ISCA1: variants seen among roughly 807,000 people sequenced by gnomAD.
ISCA1 encodes the protein iron-sulfur cluster assembly 1, also known as iron-sulfur cluster assembly 1 homolog, mitochondrial.
In ISCA1, 9 loss-of-function variants were observed where a neutral mutation model predicts 14.7. That is an observed-to-expected ratio of 0.61 (90% CI 0.37 to 1.07). ISCA1 has a LOEUF of 1.07. ISCA1 is among the 50% of genes least tolerant of loss of function. The pLI, the probability that ISCA1 is intolerant of heterozygous loss-of-function variation, is 0.01. For synonymous variants in ISCA1, 38 were observed against 54.3 expected (o/e 0.70, Z 1.32); for missense variants, 102 against 150.1 (o/e 0.68, Z 1.67).
At chr9:86,280,804 G>A (rs1825503068) in intron 1 of ISCA1, among the ~76,000 whole-genome samples, 1 of 151,810 alleles carries the variant, frequency 6.6e-6, no homozygotes, top group Non-Finnish European at 1.5e-5. Context: ...GGTGCACACC[G>A]GTGGTCCCAG....
At chr9:86,267,304 T>C (rs1825303006) in intron 3 of ISCA1, 1 of 815,466 alleles carries the variant, frequency 1.2e-6, no homozygotes, top group African/African-American at 1.9e-5. Context: ...ATATAAACAA[T>C]ATATAATTAA....
intron 1 of ISCA1, among the ~76,000 whole-genome samples, chr9:86,277,030 C>A (rs1306301443): frequency 6.6e-6 from 1 of 152,148 alleles, no homozygotes; most frequent in African/African-American, 2.4e-5. Flanking sequence ...TCACACTACT[C>A]CGTTTACCAG....
At chr9:86,279,026 T>G (rs1241033837) in intron 1 of ISCA1, among the ~76,000 whole-genome samples, 5 of 152,234 alleles carry the variant, frequency 3.3e-5, no homozygotes, top group African/African-American at 4.8e-5. Flanking sequence ...TTCCAGTGCT[T>G]CTTGTGTAGT....
At chr9:86,281,357 C>T (rs1434787377) in intron 1 of ISCA1, among the ~76,000 whole-genome samples, 1 of 152,154 alleles carries the variant, frequency 6.6e-6, no homozygotes, top group Non-Finnish European at 1.5e-5. Flanking sequence ...TGGTAATAGG[C>T]CCTTTTGGCA....
At chr9:86,271,052 C>G (rs1196770756) in intron 3 of ISCA1, among the ~76,000 whole-genome samples, 1 of 151,442 alleles carries the variant, frequency 6.6e-6, no homozygotes. Context: ...TGTAACTAAG[C>G]TGCACATTGT....
chr9:86,267,516 T>G, intron 3 of ISCA1: 3 of 975,960 alleles, frequency 3.1e-6, no homozygotes, highest in Non-Finnish European at 3.7e-6. Context: ...AAATTATTTA[T>G]TTTAGATAGG....
rs1321145439 is a variant in ISCA1, at chr9:86,282,481, T to C, written c.-23A>G. The C allele has an allele frequency of 1.2e-5, 19 of 1,550,448 alleles. No homozygotes were observed. Among genetic ancestry groups the C allele is most frequent in the Non-Finnish European group, 1.6e-5 (18 of 1,147,044 alleles). The stretch of plus-strand genomic sequence containing the variant: ...CATCTTCGCCGTCCCGGCGCCCCGG[T>C]GCCTCGGGCCGAAGGTCGGCCGCCT... On this transcript the variant is annotated 5_prime_UTR_variant, in exon 1 of 4. Coordinates refer to ENST00000375991, the MANE Select transcript of ISCA1 (RefSeq NM_030940.4).
intron 3 of ISCA1, among the ~76,000 whole-genome samples, chr9:86,269,351 G>C (rs1312535116): frequency 6.6e-6 from 1 of 152,174 alleles, no homozygotes; most frequent in Non-Finnish European, 1.5e-5. Flanking sequence ...TTGCTTCAAA[G>C]AGAATAAAAT....
intron 3 of ISCA1, among the ~76,000 whole-genome samples, chr9:86,268,459 A>C (rs1825320118): frequency 1.3e-5 from 2 of 151,740 alleles, no homozygotes; most frequent in South Asian, 4.2e-4. Context: ...AAAAAAAAAA[A>C]ACCCCAAAGC....
In ISCA1 at chr9:86,268,796, G is replaced by A. The variant is rs905342297; in HGVS notation, c.242-2605C>T. Among the ~76,000 whole-genome samples the A allele has an allele frequency of 9.2e-5, 14 of 151,836 alleles. 1 individual carries two copies. The highest frequency in any genetic ancestry group is 3.4e-4 in the African/African-American group (14 of 41,430). ...AGGTAAGAACACAGTGCACTATGAT[G>A]TCTTTTTTTCTTTTTTGAGACAGAG... is the stretch of plus-strand genomic sequence containing the variant. On this transcript the variant is annotated intron_variant, in intron 3 of 3. Transcript: ENST00000375991.
chr9:86,282,020 T>G, intron 1 of ISCA1: 3 of 224,078 alleles, frequency 1.3e-5, no homozygotes, highest in African/African-American at 2.3e-5. Flanking sequence ...ACCGGGCACG[T>G]TCAGCCTCTG....
chr9:86,276,890 A>G (rs1282410256), intron 1 of ISCA1, among the ~76,000 whole-genome samples: 1 of 150,698 alleles, frequency 6.6e-6, no homozygotes, highest in African/African-American at 2.4e-5. Context: ...AAAAAAAAAA[A>G]AAAAAAGGCA....
At chr9:86,281,069 A>G (rs755040063) in intron 1 of ISCA1, among the ~76,000 whole-genome samples, 5 of 152,220 alleles carry the variant, frequency 3.3e-5, no homozygotes, top group Non-Finnish European at 7.3e-5. Context: ...TACCATTACC[A>G]GTGGAAGAAT....
rs1053699681 is a variant in ISCA1, at chr9:86,265,874, C to A, written c.*169G>T. 41 of 1,061,758 alleles carry A rather than the reference C, an allele frequency of 3.9e-5. No individual in the cohort carries two copies. Among genetic ancestry groups the A allele is most frequent in the Middle Eastern group, 6.1e-4 (2 of 3,296 alleles). 65.8% of individuals were successfully genotyped at this position (1,061,758 alleles called of 1,614,324 possible). A position where few individuals can be genotyped will look rare whatever the true frequency, so the allele number is the denominator to read the frequency against. On this transcript the variant is annotated 3_prime_UTR_variant, in exon 4 of 4. Coordinates refer to ENST00000375991, the MANE Select transcript of ISCA1 (RefSeq NM_030940.4). The stretch of plus-strand genomic sequence containing the variant: ...AGAGTGATGGCTTCTCATTTTCTGT[C>A]CCCTATAGAGAATATAAATATCATT...
At chr9:86,271,946 G>A in intron 3 of ISCA1, 61 bp downstream of exon 3, 1 of 883,744 alleles carries the variant, frequency 1.1e-6, no homozygotes, top group Non-Finnish European at 1.9e-6. Context: ...ACTTTGTGCT[G>A]TGCAAGGCTA....
At chr9:86,266,341 C>A in intron 3 of ISCA1, 150 bp from the exon 4 acceptor site, 1 of 1,255,312 alleles carries the variant, frequency 8.0e-7, no homozygotes, top group Non-Finnish European at 1.1e-6. Flanking sequence ...AGGAATTAAG[C>A]ATTCAGTTTC....
At chr9:86,281,548 T>C (rs1362254685) in intron 1 of ISCA1, among the ~76,000 whole-genome samples, 1 of 152,210 alleles carries the variant, frequency 6.6e-6, no homozygotes, top group Non-Finnish European at 1.5e-5. Flanking sequence ...TGCACGACAC[T>C]GTGAATGTCT....
At chr9:86,270,954 A>C (rs1481092091) in intron 3 of ISCA1, among the ~76,000 whole-genome samples, 2 of 76,248 alleles carry the variant, frequency 2.6e-5, no homozygotes, top group Non-Finnish European at 2.4e-5. Context: ...GGGCGGGGGG[A>C]GGGGGGAGGG....
In ISCA1 at chr9:86,282,499, G is replaced by T. The variant is rs776723307; in HGVS notation, c.-41C>A. Reference sequence around the variant, plus strand: ...GCCCCGGTGCCTCGGGCCGAAGGTCGGCCGCCTCAGCTTCTCTCCATGGAC... The same window carrying T: ...GCCCCGGTGCCTCGGGCCGAAGGTCTGCCGCCTCAGCTTCTCTCCATGGAC... On this transcript the variant is annotated 5_prime_UTR_variant, in exon 1 of 4. Coordinates refer to ENST00000375991, the MANE Select transcript of ISCA1 (RefSeq NM_030940.4). The T allele has an allele frequency of 9.0e-6, 14 of 1,549,768 alleles. No individual in the cohort carries two copies. Among genetic ancestry groups the T allele is most frequent in the Non-Finnish European group, 1.2e-5 (14 of 1,146,702 alleles).
Sources: gnomAD v4.1 joint callset for allele counts (sites outside exome capture counted in the v4.1 genomes callset) on GRCh38, gnomAD v4.1.1 for gene constraint, MANE v1.5 for transcripts, NCBI Gene and HGNC (gene_info 2026-07-23, HGNC 2026-07-21) for gene names.